The following SLC16A2 variants were observed in gnomAD, a reference collection of about 807,000 sequenced individuals.
SLC16A2 encodes monocarboxylate transporter 8.
In SLC16A2, 3 loss-of-function variants were observed where a neutral mutation model predicts 27.2. The ratio of observed to expected loss-of-function variants is 0.11; its 90% CI spans 0.05 to 0.28. The LOEUF (loss-of-function observed/expected upper bound fraction) is 0.28, where lower values mean the gene tolerates loss of function less well. Ranked by LOEUF, SLC16A2 falls within the 10% of genes least tolerant of loss-of-function variation. The probability of loss-of-function intolerance (pLI) is 1.00; values close to 1 mark genes in which losing one functional copy is unlikely to be tolerated. For missense variants in SLC16A2, 295 were observed against 458.5 expected, an observed-to-expected ratio of 0.64 and a Z score of 3.26; for synonymous variants, 202 against 187.8, an observed-to-expected ratio of 1.08 and a Z score of -0.62.
At chrX:74,434,816 G>GGT (rs1555980878) in intron 1 of SLC16A2, among the ~76,000 whole-genome samples, 3 of 89,263 alleles carry the variant, frequency 3.4e-5, no homozygotes, top group African/African-American at 1.3e-4. Context: ...ATCTTAGTTT[G>GGT]TTTTTTTTTT....
At chrX:74,455,811 G>A (rs747393967) in intron 1 of SLC16A2, among the ~76,000 whole-genome samples, 75 of 111,605 alleles carry the variant, frequency 6.7e-4, no homozygotes, top group Middle Eastern at 4.6e-3. Context: ...CAAGGCTTTG[G>A]ACCTGTGTTC....
chrX:74,469,369 T>A (rs1438069792), intron 1 of SLC16A2, among the ~76,000 whole-genome samples: 1 of 111,942 alleles, frequency 8.9e-6, no homozygotes, highest in Non-Finnish European at 1.9e-5. Context: ...CATATGGTGG[T>A]AACTTGATGT....
chrX:74,485,403 T>C (rs1424514183), intron 1 of SLC16A2, among the ~76,000 whole-genome samples: 2 of 108,126 alleles, frequency 1.8e-5, no homozygotes, highest in African/African-American at 3.3e-5. Flanking sequence ...ATAGATATCT[T>C]TATATATATA....
At chrX:74,422,162 C>A in intron 1 of SLC16A2, 95 bp downstream of exon 1, 1 of 866,607 alleles carries the variant, frequency 1.2e-6, no homozygotes, top group Non-Finnish European at 1.7e-6. Flanking sequence ...GGCGCCCCTC[C>A]AACGCGCCTC....
chrX:74,450,865 A>C (rs889888289), intron 1 of SLC16A2, among the ~76,000 whole-genome samples: 5 of 111,991 alleles, frequency 4.5e-5, no homozygotes, highest in African/African-American at 1.6e-4. Flanking sequence ...ATTGCAGAAC[A>C]AAATTCTTGT....
intron 1 of SLC16A2, among the ~76,000 whole-genome samples, chrX:74,436,351 G>A (rs1421331950): frequency 9.0e-6 from 1 of 111,673 alleles, no homozygotes; most frequent in Non-Finnish European, 1.9e-5. Flanking sequence ...TAAGACGTTG[G>A]TTTTACTTTT....
rs1201015756 is a variant in SLC16A2 at position 74,525,791 on chromosome X, C to T, written c.1068C>T (p.Thr356=). The T allele has an allele frequency of 1.4e-5, 17 of 1,209,465 alleles. No individual in the cohort carries two copies. Among genetic ancestry groups the T allele is most frequent in the Admixed American group, 2.2e-5 (1 of 45,704 alleles). The change falls in exon 4 of 6, where the codon ACC becomes ACT. Residue 356 remains threonine (T), a synonymous_variant. Coordinates refer to ENST00000587091, the MANE Select transcript of SLC16A2 (RefSeq NM_006517.5). Reference sequence around the variant, plus strand: ...AGGAGTTCTCAGAAATCAAGGAGACCTGGGTGCTCTTGGTGTGTATTGGGG... The same window carrying T: ...AGGAGTTCTCAGAAATCAAGGAGACTTGGGTGCTCTTGGTGTGTATTGGGG... The part of the protein sequence containing the change: ...VEEEFSEIKE[T]WVLLVCIGAT...
intron 1 of SLC16A2, among the ~76,000 whole-genome samples, chrX:74,448,944 G>A (rs986873787): frequency 2.7e-5 from 3 of 111,352 alleles, no homozygotes; most frequent in Non-Finnish European, 5.7e-5. Context: ...CTTCATGCCC[G>A]CATCTTTAGC....
rs755074859 is a variant in SLC16A2, at chrX:74,447,805, A to G, written c.430+25738A>G. Among the ~76,000 whole-genome samples the G allele has an allele frequency of 5.1e-4, 56 of 110,608 alleles. 1 individual carries two copies. The South Asian group carries it at 0.021, about 42-fold the overall frequency. On this transcript the variant is annotated intron_variant, in intron 1 of 5. Coordinates refer to ENST00000587091, the MANE Select transcript of SLC16A2 (RefSeq NM_006517.5). The stretch of plus-strand genomic sequence containing the variant: ...AACACCCTAGTCAACAGTCAACATG[A>G]CAAAACCCCGTCTCTACTAAAAATG...
chrX:74,462,445 G>A (rs749082094), intron 1 of SLC16A2, among the ~76,000 whole-genome samples: 69 of 111,516 alleles, frequency 6.2e-4, no homozygotes, highest in Non-Finnish European at 1.1e-3. Flanking sequence ...TCAGCCTCCC[G>A]AGTAGCTGGG....
rs1172863760 is a variant in SLC16A2, at chrX:74,531,919, T to C, written c.*366T>C. Reference sequence around the variant, plus strand: ...ATCAACTGCCAAAGGTGCTACTGTGTCCCCAGGAGCCTAATAGGGTAGGCC... The same window carrying C: ...ATCAACTGCCAAAGGTGCTACTGTGCCCCCAGGAGCCTAATAGGGTAGGCC... On this transcript the variant is annotated 3_prime_UTR_variant, in exon 6 of 6. Coordinates refer to ENST00000587091, the MANE Select transcript of SLC16A2 (RefSeq NM_006517.5). The C allele has an allele frequency of 2.6e-5, 7 of 268,865 alleles. No homozygotes were observed. The East Asian group carries it at 5.9e-4, about 23-fold the overall frequency. The allele number at this position is 268,865 out of a possible 1,213,427, so 22.2% of individuals were successfully genotyped here.
intron 1 of SLC16A2, among the ~76,000 whole-genome samples, chrX:74,497,104 G>A: frequency 8.9e-6 from 1 of 111,982 alleles, no homozygotes; most frequent in African/African-American, 3.2e-5. Flanking sequence ...GGATGGGGGT[G>A]TGGCAGGCCA....
At chrX:74,516,572 T>C (rs1275837223) in intron 1 of SLC16A2, among the ~76,000 whole-genome samples, 1 of 111,283 alleles carries the variant, frequency 9.0e-6, no homozygotes, top group African/African-American at 3.3e-5. Flanking sequence ...CCATTATATA[T>C]ATATAATGTG....
chrX:74,515,176 C>T (rs1175754214), intron 1 of SLC16A2, among the ~76,000 whole-genome samples: 2 of 110,849 alleles, frequency 1.8e-5, no homozygotes, highest in Non-Finnish European at 3.8e-5. Context: ...GAAAAAAATA[C>T]TAAGTCTCAG....
chrX:74,481,736 C>A (rs1929624094), intron 1 of SLC16A2, among the ~76,000 whole-genome samples: 1 of 106,317 alleles, frequency 9.4e-6, no homozygotes. Flanking sequence ...TGCCTTCCTT[C>A]TGCTTGCTTT....
intron 1 of SLC16A2, among the ~76,000 whole-genome samples, chrX:74,511,052 C>A (rs1055333969): frequency 1.8e-5 from 2 of 110,862 alleles, no homozygotes; most frequent in African/African-American, 6.6e-5. Context: ...GCCTGGGTGA[C>A]AGAGCAAGAC....
chrX:74,488,559 A>G (rs921003755), intron 1 of SLC16A2, among the ~76,000 whole-genome samples: 20 of 112,073 alleles, frequency 1.8e-4, no homozygotes, highest in African/African-American at 6.1e-4. Flanking sequence ...CTCTAGAAAG[A>G]CTATTATAAT....
chrX:74,490,351 T>A (rs1929802671), intron 1 of SLC16A2, among the ~76,000 whole-genome samples: 1 of 107,448 alleles, frequency 9.3e-6, no homozygotes, highest in Non-Finnish European at 1.9e-5. Context: ...CTTAGATTAT[T>A]TGTTTCCCAC....
intron 1 of SLC16A2, among the ~76,000 whole-genome samples, chrX:74,436,216 T>C (rs111670203): frequency 5.2e-4 from 55 of 105,236 alleles, no homozygotes; most frequent in Admixed American, 1.0e-3. Flanking sequence ...TGTGTGTGTG[T>C]GCGCATGCGT....
Sources: allele counts gnomAD v4.1 joint callset (sites outside exome capture counted in the v4.1 genomes callset), GRCh38; gene constraint gnomAD v4.1.1; transcripts MANE v1.5; gene names NCBI Gene and HGNC (gene_info 2026-07-23, HGNC 2026-07-21).